The following TFCP2 variants were observed in gnomAD, a reference collection of about 807,000 sequenced individuals.
The protein encoded by TFCP2 is alpha-globin transcription factor CP2.
TFCP2 carries 33 observed loss-of-function variants against 73.4 expected under a neutral mutation model. The observed-to-expected ratio is 0.45, with a 90% CI of 0.34 to 0.60. The LOEUF (loss-of-function observed/expected upper bound fraction) is 0.60. TFCP2 is among the 20% of genes least tolerant of loss of function. The pLI, the probability that TFCP2 is intolerant of heterozygous loss-of-function variation, is 0.01. For missense variants in TFCP2, 352 were observed against 604.0 expected, an observed-to-expected ratio of 0.58 and a Z score of 4.37; for synonymous variants, 193 against 211.6, an observed-to-expected ratio of 0.91 and a Z score of 0.76.
At chr12:51,124,484 T>C (rs754875881) in intron 1 of TFCP2, 7 of 367,512 alleles carry the variant, frequency 1.9e-5, no homozygotes, top group African/African-American at 1.3e-4. Flanking sequence ...AAGCCAATTA[T>C]GAAATTTCAG....
intron 1 of TFCP2, among the ~76,000 whole-genome samples, chr12:51,129,460 C>A (rs1166937785): frequency 2.0e-5 from 3 of 149,466 alleles, no homozygotes; most frequent in Non-Finnish European, 4.4e-5. Flanking sequence ...TTGCAGTGAG[C>A]CGAGATCGTG....
At chr12:51,103,992 T>C in intron 9 of TFCP2, 163 bp downstream of exon 9, 1 of 782,172 alleles carries the variant, frequency 1.3e-6, no homozygotes, top group Non-Finnish European at 2.2e-6. Flanking sequence ...TTCATATCTT[T>C]AGTCCCTAGC....
intron 8 of TFCP2, 31 bp downstream of exon 8, chr12:51,106,494 A>T (rs1041704143): frequency 1.3e-6 from 2 of 1,544,354 alleles, no homozygotes; most frequent in African/African-American, 2.8e-5. Context: ...ATTTTGGACA[A>T]ATATAAGCCA....
At chr12:51,152,669 T>G (rs565527212) in intron 1 of TFCP2, among the ~76,000 whole-genome samples, 1 of 152,338 alleles carries the variant, frequency 6.6e-6, no homozygotes, top group South Asian at 2.1e-4. Flanking sequence ...AAGAGAAGGA[T>G]AAAGCAAATA....
chr12:51,150,033 T>C (rs1168557178), intron 1 of TFCP2, among the ~76,000 whole-genome samples: 1 of 152,188 alleles, frequency 6.6e-6, no homozygotes, highest in Non-Finnish European at 1.5e-5. Context: ...TTACATCCCC[T>C]CCAACTCCCA....
chr12:51,163,927 A>C (rs1220501065), intron 1 of TFCP2, among the ~76,000 whole-genome samples: 3 of 150,156 alleles, frequency 2.0e-5, no homozygotes, highest in South Asian at 4.2e-4. Context: ...AAAATAAGGC[A>C]GGTGCAGTAC....
At chr12:51,111,994 TA>T (rs1940413529) in intron 4 of TFCP2, among the ~76,000 whole-genome samples, 1 of 151,754 alleles carries the variant, frequency 6.6e-6, no homozygotes, top group Non-Finnish European at 1.5e-5. Flanking sequence ...CCGTCTCTAC[TA>T]AAAAATACAA....
intron 1 of TFCP2, among the ~76,000 whole-genome samples, chr12:51,168,897 G>A (rs1380352389): frequency 1.3e-5 from 2 of 151,970 alleles, no homozygotes; most frequent in East Asian, 3.9e-4. Context: ...CGCCTCCCGG[G>A]TTCATGCAAG....
rs570657963 is a variant in TFCP2 at position 51,099,716 on chromosome 12, T to G, written c.1215A>C (p.Gln405His). The G allele has an allele frequency of 6.2e-7, 1 of 1,614,172 alleles. No individual in the cohort carries two copies. The highest frequency in any genetic ancestry group is 1.1e-5 in the South Asian group (1 of 91,086). ...TCTGCTGCTGTTGCTGCTGCTGTTG[T>G]TGCTGCTCCCTCAACTGCAGTGATT... The part of the protein sequence containing the change: ...CQESLQLREQ[Q>H]QQQQQQQQKH... The change falls in exon 12 of 15, where the codon CAA becomes CAC. Residue 405 changes from glutamine (Q) to histidine (H), a missense_variant. Gln to His is a conservative substitution (Grantham distance 24, BLOSUM62 0). This residue lies in a region of TFCP2 where 194 missense variants were observed against 256.3 expected (regional missense o/e 0.76). Coordinates refer to ENST00000257915, the MANE Select transcript of TFCP2 (RefSeq NM_005653.5).
chr12:51,172,431 C>T lies in TFCP2; in HGVS notation c.-9G>A. ...TTCAGAGCCCAGGCCATCCTGGCTC[C>T]TTCCTTGCCCCAGGAGACACCGTGT... On this transcript the variant is annotated 5_prime_UTR_variant, in exon 1 of 15. Transcript: ENST00000257915. 1 of 1,614,026 alleles carries T rather than the reference C, an allele frequency of 6.2e-7. No individual in the cohort carries two copies. Among genetic ancestry groups the T allele is most frequent in the Non-Finnish European group, 8.5e-7 (1 of 1,179,966 alleles).
intron 1 of TFCP2, among the ~76,000 whole-genome samples, chr12:51,161,343 AGCAAACAAAGAAACAGGACTATACG>A (rs1201624606): frequency 6.6e-6 from 1 of 152,048 alleles, no homozygotes; most frequent in African/African-American, 2.4e-5. Context: ...AAATTTGCAA[AGCAAACAAAGAAACAGGACTATACG>A]GCCCATTCAC....
intron 9 of TFCP2, 143 bp downstream of exon 9, chr12:51,104,011 TG>T: frequency 1.1e-6 from 1 of 877,346 alleles, no homozygotes; most frequent in Non-Finnish European, 1.9e-6. Context: ...GCACAGTATC[TG>T]GTTCATAGTC....
At chr12:51,106,769 C>T (rs1940256949) in intron 7 of TFCP2, 156 bp from the exon 8 acceptor site, 1 of 634,962 alleles carries the variant, frequency 1.6e-6, no homozygotes, top group Non-Finnish European at 2.7e-6. Context: ...TTTCCGCCAT[C>T]TTGGAGCCTG....
At position 51,108,668 on chromosome 12, in the gene TFCP2, G is replaced by A. The variant is rs188933370; in HGVS notation, c.717+453C>T. 1.2e-3 allele frequency among the ~76,000 whole-genome samples: 186 copies of A among 151,968 alleles called. 2 individuals are homozygous for A. Among genetic ancestry groups the A allele is most frequent in the African/African-American group, 4.5e-3 (185 of 41,444 alleles). ...ACATGCCTGTAGTCCCACTTACTGG[G>A]GAAGCTGAGGCAGGAAGATCAATTG... On this transcript the variant is annotated intron_variant, in intron 6 of 14. Transcript: ENST00000257915.
At chr12:51,156,742 A>G (rs1037207543) in intron 1 of TFCP2, 4 of 152,208 alleles carry the variant, frequency 2.6e-5, no homozygotes, top group Non-Finnish European at 5.9e-5. Context: ...ATGAGTTATG[A>G]GACTATTTAC....
intron 1 of TFCP2, among the ~76,000 whole-genome samples, chr12:51,145,393 A>AAAAAATAC (rs1555254747): frequency 1.4e-5 from 2 of 144,162 alleles, no homozygotes; most frequent in Non-Finnish European, 1.5e-5. Context: ...GAAAAAAAAA[A>AAAAAATAC]AAATACAAAT....
chr12:51,168,809 A>AT (rs34133154), intron 1 of TFCP2, among the ~76,000 whole-genome samples: 42 of 148,806 alleles, frequency 2.8e-4, no homozygotes, highest in East Asian at 8.0e-4. Flanking sequence ...TTTTTATTTC[A>AT]TTTTTTTTTT....
chr12:51,147,500 A>G (rs1230276803), intron 1 of TFCP2, among the ~76,000 whole-genome samples: 2 of 150,468 alleles, frequency 1.3e-5, no homozygotes, highest in Non-Finnish European at 1.5e-5. Flanking sequence ...TGAACAAGGC[A>G]GATAAAGGGA....
At chr12:51,152,653 C>G (rs1941453453) in intron 1 of TFCP2, among the ~76,000 whole-genome samples, 1 of 152,120 alleles carries the variant, frequency 6.6e-6, no homozygotes, top group African/African-American at 2.4e-5. Flanking sequence ...GTAAGAAATT[C>G]TGAGAAAGAG....
Sources: allele counts gnomAD v4.1 joint callset (sites outside exome capture counted in the v4.1 genomes callset), GRCh38; gene constraint gnomAD v4.1.1; regional missense constraint gnomAD v4.1.1; transcripts MANE v1.5; gene names NCBI Gene and HGNC (gene_info 2026-07-23, HGNC 2026-07-21).